The following ACTR3C variants were observed in gnomAD, a reference collection of about 807,000 sequenced individuals.
The protein encoded by ACTR3C is actin-related protein 3C.
In ACTR3C, 18 loss-of-function variants were observed where a neutral mutation model predicts 26.3. The observed-to-expected ratio is 0.68, with a 90% CI of 0.47 to 1.01. The LOEUF is 1.01. Ranked by LOEUF, ACTR3C falls within the 50% of genes least tolerant of loss-of-function variation. The probability of loss-of-function intolerance (pLI) is 0.00; values close to 1 mark genes in which losing one functional copy is unlikely to be tolerated. For missense variants in ACTR3C, 184 were observed against 250.7 expected (o/e 0.73, Z 1.80); for synonymous variants, 55 against 94.5 (o/e 0.58, Z 2.42).
At chr7:149,898,404 A>AT in the ACTR3C span, among the ~76,000 whole-genome samples, 1 of 152,228 alleles carries the variant, frequency 6.6e-6, no homozygotes, top group Non-Finnish European at 1.5e-5. Flanking sequence ...TGTCAAGTCA[A>AT]TATAAAAGAT....
At chr7:150,213,223 C>T in the ACTR3C span, among the ~76,000 whole-genome samples, 1 of 152,144 alleles carries the variant, frequency 6.6e-6, no homozygotes, top group Admixed American at 6.5e-5. Context: ...CTGTGATATA[C>T]TCATGTCCAT....
chr7:150,030,879 G>A, the ACTR3C span, among the ~76,000 whole-genome samples: 7 of 152,114 alleles, frequency 4.6e-5, no homozygotes, highest in East Asian at 9.6e-4. Context: ...GAGCACATGC[G>A]TGTTAACCTG....
chr7:150,196,554 GGTCTGT>G, the ACTR3C span, among the ~76,000 whole-genome samples: 1 of 152,152 alleles, frequency 6.6e-6, no homozygotes, highest in South Asian at 2.1e-4. Flanking sequence ...CTGTTAGACA[GGTCTGT>G]GTCTAAGTGG....
At chr7:150,197,333 C>CT in the ACTR3C span, among the ~76,000 whole-genome samples, 4 of 152,356 alleles carry the variant, frequency 2.6e-5, no homozygotes, top group Admixed American at 6.5e-5. Context: ...TACCAATTCA[C>CT]CTGTTATTCC....
At chr7:150,237,524 C>T in the ACTR3C span, among the ~76,000 whole-genome samples, 16,307 of 151,308 alleles carry the variant, frequency 0.11, 1,519 homozygotes, top group African/African-American at 0.23. Flanking sequence ...GGTCACTTGA[C>T]TAACAGCACA....
the ACTR3C span, among the ~76,000 whole-genome samples, chr7:150,041,841 AG>A: frequency 7.3e-6 from 1 of 136,520 alleles, no homozygotes; most frequent in Non-Finnish European, 1.6e-5. Context: ...GGGGTGGAAG[AG>A]GGGATAGCTC....
At chr7:150,098,044 T>G in the ACTR3C span, among the ~76,000 whole-genome samples, 1 of 151,482 alleles carries the variant, frequency 6.6e-6, no homozygotes, top group Non-Finnish European at 1.5e-5. Flanking sequence ...GGTTTTCACT[T>G]TGTGATCCAA....
the ACTR3C span, among the ~76,000 whole-genome samples, chr7:150,082,872 C>A: frequency 6.6e-6 from 1 of 151,512 alleles, no homozygotes; most frequent in African/African-American, 2.4e-5. Flanking sequence ...ACAGGATCAC[C>A]CTAAGTAAGG....
the ACTR3C span, among the ~76,000 whole-genome samples, chr7:150,033,366 G>A: frequency 0.012 from 1,768 of 152,270 alleles, 16 homozygotes; most frequent in African/African-American, 0.041. Context: ...TGTCCCTGGA[G>A]GCTTCCCGAG....
chr7:149,981,931 C>T, the ACTR3C span, among the ~76,000 whole-genome samples: 1 of 152,216 alleles, frequency 6.6e-6, no homozygotes, highest in East Asian at 1.9e-4. Flanking sequence ...CTCCTTCCTC[C>T]ACTGCTGCCT....
the ACTR3C span, among the ~76,000 whole-genome samples, chr7:150,034,234 TA>T: frequency 6.6e-6 from 1 of 151,718 alleles, no homozygotes; most frequent in East Asian, 1.9e-4. Context: ...GGCCCTCAAA[TA>T]GGGGGGCCAT....
the ACTR3C span, among the ~76,000 whole-genome samples, chr7:150,141,528 G>GAA: frequency 7.6e-6 from 1 of 131,726 alleles, no homozygotes; most frequent in Non-Finnish European, 1.6e-5. Context: ...TTATACAACA[G>GAA]AAAAAAAAAA....
chr7:149,993,380 T>A, the ACTR3C span, among the ~76,000 whole-genome samples: 14,166 of 152,206 alleles, frequency 0.093, 1,062 homozygotes, highest in East Asian at 0.25. Context: ...TGCACACTTA[T>A]AATTTGACAT....
chr7:150,268,120 A>C (rs1408360185), intron 6 of ACTR3C, among the ~76,000 whole-genome samples: 1 of 151,786 alleles, frequency 6.6e-6, no homozygotes, highest in African/African-American at 2.4e-5. Flanking sequence ...GATGCCCTAA[A>C]GAGGGTGTAC....
the ACTR3C span, among the ~76,000 whole-genome samples, chr7:149,911,649 C>G: frequency 6.7e-6 from 1 of 149,420 alleles, no homozygotes; most frequent in East Asian, 2.0e-4. Context: ...GGAGCAGTGG[C>G]CTATGTGTAA....
the ACTR3C span, among the ~76,000 whole-genome samples, chr7:150,040,092 C>T: frequency 1.4e-5 from 2 of 145,544 alleles, no homozygotes; most frequent in Non-Finnish European, 3.0e-5. Context: ...GTCCCAAGAG[C>T]CAGGGGGGAA....
the ACTR3C span, among the ~76,000 whole-genome samples, chr7:150,076,007 C>T: frequency 1.3e-5 from 2 of 152,100 alleles, no homozygotes; most frequent in African/African-American, 2.4e-5. Flanking sequence ...AACATATGCA[C>T]GTTAAAGGGA....
the ACTR3C span, among the ~76,000 whole-genome samples, chr7:149,906,412 C>CTTTTT: frequency 4.2e-5 from 3 of 72,098 alleles, no homozygotes; most frequent in African/African-American, 1.5e-4. Flanking sequence ...GGGTTTGTTT[C>CTTTTT]TTTTTTTTTT....
the ACTR3C span, among the ~76,000 whole-genome samples, chr7:149,930,040 CACTAGGTAACA>C: frequency 6.6e-6 from 1 of 152,126 alleles, no homozygotes; most frequent in East Asian, 1.9e-4. Context: ...CACAGAGAAA[CACTAGGTAACA>C]ACTGGCTGTC....
Sources: gnomAD v4.1 joint callset for allele counts (sites outside exome capture counted in the v4.1 genomes callset) on GRCh38, gnomAD v4.1.1 for gene constraint, MANE v1.5 for transcripts, NCBI Gene and HGNC (gene_info 2026-07-23, HGNC 2026-07-21) for gene names.